FHIT: variants seen among roughly 807,000 people sequenced by gnomAD.
FHIT encodes fragile histidine triad diadenosine triphosphatase.
Under a neutral mutation model 17.9 loss-of-function variants are expected in FHIT, and 19 were observed. That is an observed-to-expected ratio of 1.06 (90% CI 0.74 to 1.56). The LOEUF is 1.56. Among genes scored for constraint, FHIT ranks in the 40% most tolerant of loss-of-function variants. The pLI is 0.00. For missense variants in FHIT, 248 were observed against 189.2 expected, an observed-to-expected ratio of 1.31 and a Z score of -1.82; for synonymous variants, 81 against 69.7, an observed-to-expected ratio of 1.16 and a Z score of -0.81.
chr3:60,833,637 T>TCC (rs1702413476), intron 3 of FHIT, among the ~76,000 whole-genome samples: 2 of 152,148 alleles, frequency 1.3e-5, no homozygotes, highest in Admixed American at 1.3e-4. Flanking sequence ...ACAGAGAAGG[T>TCC]CCATATGCCC....
chr3:60,689,537 C>T (rs1296092796), intron 4 of FHIT, among the ~76,000 whole-genome samples: 3 of 152,058 alleles, frequency 2.0e-5, no homozygotes, highest in African/African-American at 7.2e-5. Flanking sequence ...GGAAGCAATC[C>T]TTCACAGATA....
At chr3:60,752,854 T>C (rs1553717229) in intron 4 of FHIT, among the ~76,000 whole-genome samples, 1 of 152,214 alleles carries the variant, frequency 6.6e-6, no homozygotes, top group African/African-American at 2.4e-5. Context: ...TTTAATGTAG[T>C]TATTCTGAAA....
chr3:61,016,111 G>A (rs78091581), intron 3 of FHIT, among the ~76,000 whole-genome samples: 12 of 152,262 alleles, frequency 7.9e-5, no homozygotes, highest in East Asian at 1.9e-4. Flanking sequence ...CATAAAAGTT[G>A]TAAACACATT....
At chr3:61,021,577 C>T (rs548519194) in intron 3 of FHIT, among the ~76,000 whole-genome samples, 1,155 of 114,704 alleles carry the variant, frequency 0.01, 14 homozygotes, top group South Asian at 0.05. Flanking sequence ...CCAGCCTGGG[C>T]GACAGAGCGA....
At chr3:60,214,955 G>C (rs1033000760) in intron 5 of FHIT, among the ~76,000 whole-genome samples, 1 of 152,078 alleles carries the variant, frequency 6.6e-6, no homozygotes, top group South Asian at 2.1e-4. Context: ...TTATAAGTGG[G>C]AGCTAAACAT....
chr3:60,279,248 T>TA (rs1707312213), intron 5 of FHIT, among the ~76,000 whole-genome samples: 1 of 151,968 alleles, frequency 6.6e-6, no homozygotes, highest in African/African-American at 2.4e-5. Context: ...GATAAAGAAA[T>TA]ATGATGAACA....
chr3:60,211,548 G>C (rs376167234), intron 5 of FHIT, among the ~76,000 whole-genome samples: 91 of 152,164 alleles, frequency 6.0e-4, no homozygotes, highest in African/African-American at 2.0e-3. Context: ...CACTCACAGA[G>C]GTGCTATTTC....
At chr3:60,874,185 C>T (rs1335864078) in intron 3 of FHIT, among the ~76,000 whole-genome samples, 3 of 152,060 alleles carry the variant, frequency 2.0e-5, no homozygotes, top group East Asian at 1.9e-4. Context: ...GTAGGGCTGT[C>T]GTTAGAATTT....
At chr3:60,474,569 T>G (rs1576719783) in intron 5 of FHIT, among the ~76,000 whole-genome samples, 1 of 152,264 alleles carries the variant, frequency 6.6e-6, no homozygotes, top group Non-Finnish European at 1.5e-5. Flanking sequence ...TTCAAAACAG[T>G]AGAAGTAAAG....
chr3:60,247,795 A>T (rs570295018), intron 5 of FHIT, among the ~76,000 whole-genome samples: 5 of 152,152 alleles, frequency 3.3e-5, no homozygotes. Flanking sequence ...AGAAATTCAC[A>T]TATCTACTTC....
chr3:60,013,876 C>T, intron 6 of FHIT, 131 bp downstream of exon 6: 1 of 925,830 alleles, frequency 1.1e-6, no homozygotes, highest in Admixed American at 2.4e-5. Flanking sequence ...CATTAGAAAT[C>T]TCTTTTTTTG....
At chr3:60,352,243 C>T (rs1010646590) in intron 5 of FHIT, among the ~76,000 whole-genome samples, 19 of 152,046 alleles carry the variant, frequency 1.2e-4, no homozygotes, top group Non-Finnish European at 2.1e-4. Context: ...ATGATGCAGA[C>T]AAAAATATGC....
intron 4 of FHIT, among the ~76,000 whole-genome samples, chr3:60,611,102 G>A (rs1175378344): frequency 6.6e-6 from 1 of 152,164 alleles, no homozygotes; most frequent in African/African-American, 2.4e-5. Context: ...GGCTCATTTA[G>A]CCCAGTAATT....
At chr3:60,966,042 G>A (rs1709723575) in intron 3 of FHIT, among the ~76,000 whole-genome samples, 1 of 152,280 alleles carries the variant, frequency 6.6e-6, no homozygotes, top group South Asian at 2.1e-4. Flanking sequence ...TAGAGGTGGA[G>A]TCTACAGAGG....
At chr3:59,901,757 G>A (rs930850409) in intron 8 of FHIT, among the ~76,000 whole-genome samples, 8 of 152,130 alleles carry the variant, frequency 5.3e-5, no homozygotes, top group Admixed American at 5.2e-4. Context: ...GTTACCTTAT[G>A]ACCCAGAAAT....
rs13315124 is a variant in FHIT at position 59,764,675 on chromosome 3, A to C, written c.349-12354T>G. On this transcript the variant is annotated intron_variant, in intron 8 of 9. Transcript: ENST00000492590. ...GACATAAAGCCTTGAATGCATCTGA[A>C]ACGCTATGCTTACCATGCATGACAG... 1.7e-3 allele frequency among the ~76,000 whole-genome samples: 253 copies of C among 152,324 alleles called. 1 individual carries two copies. Among genetic ancestry groups the C allele is most frequent in the African/African-American group, 5.8e-3 (243 of 41,566 alleles).
At chr3:60,421,079 A>G (rs1702447421) in intron 5 of FHIT, among the ~76,000 whole-genome samples, 2 of 149,168 alleles carry the variant, frequency 1.3e-5, no homozygotes, top group South Asian at 2.1e-4. Context: ...GGCCGAAGAC[A>G]GTTTTGATGA....
chr3:60,647,665 G>A (rs1224511122), intron 4 of FHIT, among the ~76,000 whole-genome samples: 2 of 152,160 alleles, frequency 1.3e-5, no homozygotes, highest in African/African-American at 2.4e-5. Context: ...CCAATTAACT[G>A]CCTCTGATTG....
chr3:60,438,100 G>A (rs1441754718), intron 5 of FHIT, among the ~76,000 whole-genome samples: 1 of 151,920 alleles, frequency 6.6e-6, no homozygotes, highest in Admixed American at 6.6e-5. Flanking sequence ...GGCAACTGTG[G>A]CAACCGTACA....
Sources: allele counts gnomAD v4.1 joint callset (sites outside exome capture counted in the v4.1 genomes callset), GRCh38; gene constraint gnomAD v4.1.1; transcripts MANE v1.5; gene names NCBI Gene and HGNC (gene_info 2026-07-23, HGNC 2026-07-21).